Variants in TP53BP2 observed in about 807,000 individuals in gnomAD.
The protein encoded by TP53BP2 is tumor protein p53 binding protein 2, also known as apoptosis-stimulating of p53 protein 2.
In TP53BP2, 62 loss-of-function variants were observed where a neutral mutation model predicts 126.2. The ratio of observed to expected loss-of-function variants is 0.49; its 90% confidence interval spans 0.40 to 0.61. TP53BP2 has a LOEUF of 0.61. TP53BP2 is among the 20% of genes least tolerant of loss of function. The probability of loss-of-function intolerance (pLI) is 0.00; values close to 1 mark genes in which losing one functional copy is unlikely to be tolerated. For synonymous variants in TP53BP2, 485 were observed against 502.9 expected (o/e 0.96, Z 0.48); for missense variants, 1,215 against 1,402.8 (o/e 0.87, Z 2.14).
intron 2 of TP53BP2, among the ~76,000 whole-genome samples, chr1:223,820,091 T>G (rs555506519): frequency 2.0e-5 from 3 of 152,286 alleles, no homozygotes; most frequent in African/African-American, 4.8e-5. Context: ...CAGAAGGAGA[T>G]TAACATTTTA....
chr1:223,788,451 T>C (rs1222115192), intron 16 of TP53BP2, among the ~76,000 whole-genome samples: 2 of 152,216 alleles, frequency 1.3e-5, no homozygotes, highest in Non-Finnish European at 2.9e-5. Flanking sequence ...AACATATATC[T>C]ATCTAAAACT....
intron 13 of TP53BP2, 78 bp from the exon 14 acceptor site, chr1:223,793,518 T>A (rs1662219908): frequency 7.3e-7 from 1 of 1,373,928 alleles, no homozygotes; most frequent in African/African-American, 1.5e-5. Context: ...AAGGAATGAC[T>A]TCTCACCTAA....
At chr1:223,789,327 G>A (rs766668592) in intron 15 of TP53BP2, among the ~76,000 whole-genome samples, 153 bp from the exon 16 acceptor site, 155 of 152,198 alleles carry the variant, frequency 1.0e-3, no homozygotes, top group South Asian at 1.7e-3. Flanking sequence ...GTTCAACACA[G>A]ATGATTGAAC....
chr1:223,839,347 G>A (rs892517098), intron 1 of TP53BP2, among the ~76,000 whole-genome samples: 2 of 152,206 alleles, frequency 1.3e-5, no homozygotes, highest in Non-Finnish European at 2.9e-5. Context: ...TAAATCACCA[G>A]GCACAGTGTG....
Position 223,812,547 on chromosome 1 carries a change from T to TTTG in TP53BP2, c.289+1690_289+1692dup, listed in dbSNP as rs574437302. On this transcript the variant is annotated intron_variant, in intron 3 of 17. Coordinates refer to ENST00000343537, the MANE Select transcript of TP53BP2 (RefSeq NM_001031685.3). ...ACAGACGCCCAGCTAATTTTTGTTT[T>TTTG]TTGTTGTTGTTGTTGTTGTTGTTTT... 1.3e-3 allele frequency among the ~76,000 whole-genome samples: 194 copies of TTTG among 151,894 alleles called. 1 individual carries two copies. The highest frequency in any genetic ancestry group is 2.6e-3 in the Admixed American group (39 of 15,258).
chr1:223,833,653 C>T (rs761772370), intron 1 of TP53BP2, among the ~76,000 whole-genome samples: 26 of 152,140 alleles, frequency 1.7e-4, no homozygotes, highest in Non-Finnish European at 3.5e-4. Context: ...TACATAGAAA[C>T]CTATAGGAGT....
At chr1:223,845,609 C>A (rs1436239679) in intron 1 of TP53BP2, 45 bp downstream of exon 1, 3 of 1,532,646 alleles carry the variant, frequency 2.0e-6, no homozygotes, top group African/African-American at 2.9e-5. Flanking sequence ...GGCACGCGAC[C>A]CCGCACACTT....
intron 11 of TP53BP2, among the ~76,000 whole-genome samples, chr1:223,799,156 ACAGG>A (rs1486451226): frequency 1.2e-4 from 19 of 152,122 alleles, no homozygotes; most frequent in African/African-American, 4.1e-4. Flanking sequence ...TTTTATATAG[ACAGG>A]GTCTCGTTTT....
intron 9 of TP53BP2, among the ~76,000 whole-genome samples, chr1:223,801,770 C>T (rs1662532537): frequency 1.3e-5 from 2 of 152,154 alleles, no homozygotes; most frequent in South Asian, 4.1e-4. Flanking sequence ...ACACCACAAA[C>T]ACATATGTTT....
intron 7 of TP53BP2, 121 bp downstream of exon 7, chr1:223,803,150 C>G (rs1225487404): frequency 1.6e-6 from 2 of 1,267,722 alleles, no homozygotes; most frequent in East Asian, 4.7e-5. Flanking sequence ...TGGGTTCCCC[C>G]CACAACCTGC....
chr1:223,790,768 T>A (rs888011284), intron 15 of TP53BP2, among the ~76,000 whole-genome samples: 1 of 152,040 alleles, frequency 6.6e-6, no homozygotes, highest in Non-Finnish European at 1.5e-5. Context: ...CGCACCTAGC[T>A]AATTTTTAAA....
intron 1 of TP53BP2, among the ~76,000 whole-genome samples, chr1:223,835,690 AT>A (rs1271105069): frequency 6.6e-6 from 1 of 152,202 alleles, no homozygotes; most frequent in Non-Finnish European, 1.5e-5. Flanking sequence ...CAAAATAAGA[AT>A]ATTCATTCAT....
At chr1:223,797,441 G>A (rs529340249) in intron 12 of TP53BP2, among the ~76,000 whole-genome samples, 54 of 150,746 alleles carry the variant, frequency 3.6e-4, no homozygotes, top group African/African-American at 1.3e-3. Context: ...TTTTTTAGAT[G>A]GAGTTTCACT....
chr1:223,811,397 A>C, intron 3 of TP53BP2, among the ~76,000 whole-genome samples: 1 of 152,268 alleles, frequency 6.6e-6, no homozygotes, highest in African/African-American at 2.4e-5. Flanking sequence ...CTAATAAACA[A>C]ATAAATAAAC....
intron 1 of TP53BP2, among the ~76,000 whole-genome samples, chr1:223,823,374 C>T (rs1222760167): frequency 1.3e-5 from 2 of 152,192 alleles, no homozygotes; most frequent in Non-Finnish European, 2.9e-5. Context: ...AGAGAAAGAG[C>T]GGACCCTTGC....
chr1:223,795,582 A>T (rs1033356411), intron 13 of TP53BP2, among the ~76,000 whole-genome samples: 4 of 152,192 alleles, frequency 2.6e-5, no homozygotes, highest in Non-Finnish European at 4.4e-5. Context: ...TGCAGTGTTT[A>T]TAGGGATAAG....
chr1:223,793,371 G>C lies in TP53BP2; in HGVS notation c.2794C>G (p.Pro932Ala). The change falls in exon 14 of 18, where the codon CCC (proline) becomes GCC (alanine). Residue 932 changes from proline to alanine, a missense_variant. Physicochemically the swap from Pro to Ala is conservative, Grantham distance 27. This residue lies in a region of TP53BP2 where 204 missense variants were observed against 225.7 expected (regional missense o/e 0.90). Coordinates refer to ENST00000343537, the MANE Select transcript of TP53BP2 (RefSeq NM_001031685.3). ...GACGAATCTAGCAGTAAAGCAAGGGGGTTGAATTTCACCCTCATTCCATGA... is the reference window on the plus strand; with the variant it reads ...GACGAATCTAGCAGTAAAGCAAGGGCGTTGAATTTCACCCTCATTCCATGA... ...IAHGMRVKFNPLALLLDSSLE... is the reference protein window; with the variant it reads ...IAHGMRVKFNALALLLDSSLE... The C allele has an allele frequency of 2.5e-6, 4 of 1,611,768 alleles. No individual in the cohort carries two copies. Among genetic ancestry groups the C allele is most frequent in the Non-Finnish European group, 3.4e-6 (4 of 1,178,960 alleles).
At chr1:223,808,497 C>T (rs1210632474) in intron 4 of TP53BP2, among the ~76,000 whole-genome samples, 3 of 150,152 alleles carry the variant, frequency 2.0e-5, no homozygotes, top group African/African-American at 7.4e-5. Flanking sequence ...GCCGAGATCG[C>T]GCCACTGCAC....
intron 1 of TP53BP2, among the ~76,000 whole-genome samples, chr1:223,837,690 C>A (rs948272287): frequency 6.6e-6 from 1 of 152,136 alleles, no homozygotes; most frequent in Non-Finnish European, 1.5e-5. Context: ...CTCTTCCCAC[C>A]TTGCCCAAGT....
Sources: allele counts gnomAD v4.1 joint callset (sites outside exome capture counted in the v4.1 genomes callset), GRCh38; gene constraint gnomAD v4.1.1; regional missense constraint gnomAD v4.1.1; transcripts MANE v1.5; gene names NCBI Gene and HGNC (gene_info 2026-07-23, HGNC 2026-07-21).